Variants in PDZRN4 observed in about 807,000 individuals in gnomAD.
PDZRN4 encodes PDZ domain-containing RING finger protein 4.
Under a neutral mutation model 99.0 loss-of-function variants are expected in PDZRN4, and 70 were observed. The observed-to-expected ratio is 0.71, with a 90% CI of 0.58 to 0.86. PDZRN4 has a LOEUF of 0.86. Ranked by LOEUF, PDZRN4 falls within the 40% of genes least tolerant of loss-of-function variation. The pLI, the probability that PDZRN4 is intolerant of heterozygous loss-of-function variation, is 0.00. For missense variants in PDZRN4, 1,474 were observed against 1,331.2 expected (o/e 1.11, Z -1.67); for synonymous variants, 551 against 501.6 (o/e 1.10, Z -1.32).
At chr12:41,394,043 T>C (rs887163276) in intron 3 of PDZRN4, among the ~76,000 whole-genome samples, 2 of 152,198 alleles carry the variant, frequency 1.3e-5, no homozygotes, top group African/African-American at 4.8e-5. Context: ...GTATTTCTCT[T>C]GTTCAGAGGC....
chr12:41,242,747 C>T (rs1238844226), intron 3 of PDZRN4, among the ~76,000 whole-genome samples: 1 of 152,066 alleles, frequency 6.6e-6, no homozygotes. Flanking sequence ...TTAGATAAAA[C>T]TGCTGCTGCA....
At chr12:41,435,798 A>T (rs1263814652) in intron 3 of PDZRN4, among the ~76,000 whole-genome samples, 1 of 152,098 alleles carries the variant, frequency 6.6e-6, no homozygotes, top group Non-Finnish European at 1.5e-5. Flanking sequence ...AAAAAAGTAA[A>T]ATAAAATAAA....
At chr12:41,242,832 G>A (rs1951109534) in intron 3 of PDZRN4, among the ~76,000 whole-genome samples, 1 of 152,176 alleles carries the variant, frequency 6.6e-6, no homozygotes, top group Non-Finnish European at 1.5e-5. Context: ...CACAGCTGTG[G>A]AGTTAATGCA....
intron 3 of PDZRN4, among the ~76,000 whole-genome samples, chr12:41,488,584 T>C (rs1937822282): frequency 6.6e-6 from 1 of 152,090 alleles, no homozygotes; most frequent in Non-Finnish European, 1.5e-5. Flanking sequence ...ACCTGGCGTG[T>C]AGTCACTGAT....
chr12:41,445,286 A>G (rs935254869), intron 3 of PDZRN4, among the ~76,000 whole-genome samples: 2 of 152,186 alleles, frequency 1.3e-5, no homozygotes, highest in Non-Finnish European at 2.9e-5. Context: ...TTTAATTTCA[A>G]TTTTGGTTAC....
intron 3 of PDZRN4, among the ~76,000 whole-genome samples, chr12:41,237,407 G>A (rs1411894240): frequency 2.6e-5 from 4 of 152,102 alleles, no homozygotes; most frequent in Admixed American, 6.6e-5. Flanking sequence ...TATTGCTATA[G>A]ATGTTTAAAT....
chr12:41,264,757 T>C (rs1334051772), intron 3 of PDZRN4, among the ~76,000 whole-genome samples: 9 of 152,310 alleles, frequency 5.9e-5, no homozygotes, highest in African/African-American at 2.2e-4. Context: ...CCTTCTACAA[T>C]TGTATTGTAG....
In PDZRN4 at chr12:41,358,986, T is replaced by C. The variant is rs1348059517; in HGVS notation, c.844-147470T>C. Among the ~76,000 whole-genome samples, 8 of 152,112 alleles carry C rather than the reference T, an allele frequency of 5.3e-5. No homozygotes were observed. In the East Asian group the frequency reaches 1.5e-3, roughly 29 times the overall value. Reference sequence around the variant, plus strand: ...TAATTTAATGATTAAAGGTCTGGGATTGATTTGTCTAACAAAGTTCAGAAA... The same window carrying C: ...TAATTTAATGATTAAAGGTCTGGGACTGATTTGTCTAACAAAGTTCAGAAA... On this transcript the variant is annotated intron_variant, in intron 3 of 9. Transcript: ENST00000402685.
intron 3 of PDZRN4, among the ~76,000 whole-genome samples, chr12:41,457,098 C>A (rs548889115): frequency 8.3e-4 from 126 of 152,264 alleles, no homozygotes; most frequent in African/African-American, 2.3e-3. Flanking sequence ...CTTACTAGAT[C>A]TCTGACTAAT....
intron 3 of PDZRN4, among the ~76,000 whole-genome samples, chr12:41,271,752 A>G (rs1288047998): frequency 2.0e-5 from 3 of 152,142 alleles, no homozygotes; most frequent in South Asian, 2.1e-4. Flanking sequence ...TTGCAAGTGG[A>G]TGGAAAGAAT....
At chr12:41,464,645 A>T (rs1952907812) in intron 3 of PDZRN4, among the ~76,000 whole-genome samples, 1 of 152,132 alleles carries the variant, frequency 6.6e-6, no homozygotes, top group Non-Finnish European at 1.5e-5. Context: ...CCAAATACTA[A>T]CTTAAACCTT....
At chr12:41,333,411 T>C (rs1951752559) in intron 3 of PDZRN4, among the ~76,000 whole-genome samples, 1 of 152,106 alleles carries the variant, frequency 6.6e-6, no homozygotes, top group Non-Finnish European at 1.5e-5. Flanking sequence ...AAATTCAAAA[T>C]GATGGAACAG....
At chr12:41,514,096 T>A (rs1228764567) in intron 5 of PDZRN4, among the ~76,000 whole-genome samples, 2 of 151,980 alleles carry the variant, frequency 1.3e-5, no homozygotes, top group Admixed American at 6.6e-5. Context: ...GCCAAAAAAA[T>A]TTAGAACTTT....
At chr12:41,201,439 C>A (rs1295481550) in intron 3 of PDZRN4, among the ~76,000 whole-genome samples, 2 of 151,918 alleles carry the variant, frequency 1.3e-5, no homozygotes, top group Non-Finnish European at 2.9e-5. Flanking sequence ...TATATTTATT[C>A]TTTGATGTTC....
chr12:41,331,495 A>G (rs959330455), intron 3 of PDZRN4, among the ~76,000 whole-genome samples: 5 of 152,080 alleles, frequency 3.3e-5, no homozygotes, highest in Admixed American at 3.3e-4. Context: ...TGGCATTTAC[A>G]TTTCTTAAAT....
chr12:41,524,503 CT>C (rs1287163369), intron 5 of PDZRN4, among the ~76,000 whole-genome samples: 4 of 152,024 alleles, frequency 2.6e-5, no homozygotes, highest in Admixed American at 6.6e-5. Flanking sequence ...AGATGCTCAT[CT>C]ACAGAAAGGG....
At chr12:41,218,295 G>A (rs1395273013) in intron 3 of PDZRN4, among the ~76,000 whole-genome samples, 2 of 152,012 alleles carry the variant, frequency 1.3e-5, no homozygotes, top group East Asian at 1.9e-4. Flanking sequence ...GGGGAAGGCA[G>A]GATAAAGAAG....
intron 3 of PDZRN4, among the ~76,000 whole-genome samples, chr12:41,428,618 G>A (rs377757490): frequency 5.3e-5 from 8 of 152,162 alleles, no homozygotes; most frequent in South Asian, 2.1e-4. Flanking sequence ...GTACATGCAC[G>A]TGTGTGTGCA....
Position 41,509,831 on chromosome 12 carries a change from T to C in PDZRN4, c.1121T>C (p.Met374Thr). ...LSDSCHSLHPMEHEFYEDNEY... is the reference protein window; with the variant it reads ...LSDSCHSLHPTEHEFYEDNEY... ...CATAGCTGCCATTCTCTACATCCAA[T>C]GGAGCATGAATTTTATGAGGACAAT... is the stretch of plus-strand genomic sequence containing the variant. The change falls in exon 5 of 10, where the codon ATG becomes ACG. Residue 374 changes from methionine to threonine, a missense_variant. By Grantham distance (81) the Met-to-Thr change is moderately conservative. Coordinates refer to ENST00000402685, the MANE Select transcript of PDZRN4 (RefSeq NM_001164595.2). 1 of 1,587,126 alleles carries C rather than the reference T, an allele frequency of 6.3e-7. No individual in the cohort carries two copies. Among genetic ancestry groups the C allele is most frequent in the South Asian group, 1.1e-5 (1 of 89,912 alleles).
Sources: allele counts gnomAD v4.1 joint callset (sites outside exome capture counted in the v4.1 genomes callset), GRCh38; gene constraint gnomAD v4.1.1; transcripts MANE v1.5; gene names NCBI Gene and HGNC (gene_info 2026-07-23, HGNC 2026-07-21).